PDZRN4: variants seen among roughly 807,000 people sequenced by gnomAD.
PDZRN4 encodes the protein PDZ domain containing ring finger 4.
PDZRN4 carries 70 observed loss-of-function variants against 99.0 expected under a neutral mutation model. That is an observed-to-expected ratio of 0.71 (90% CI 0.58 to 0.86). PDZRN4 has a LOEUF of 0.86. Ranked by LOEUF, PDZRN4 falls within the 40% of genes least tolerant of loss-of-function variation. The pLI is 0.00. For missense variants in PDZRN4, 1,474 were observed against 1,331.2 expected (o/e 1.11, Z -1.67); for synonymous variants, 551 against 501.6 (o/e 1.10, Z -1.32).
At chr12:41,305,835 C>T (rs978820761) in intron 3 of PDZRN4, among the ~76,000 whole-genome samples, 15 of 152,128 alleles carry the variant, frequency 9.9e-5, no homozygotes, top group African/African-American at 3.4e-4. Flanking sequence ...AGACAAATGT[C>T]TTAATTATTC....
At chr12:41,348,381 A>C (rs1951869068) in intron 3 of PDZRN4, among the ~76,000 whole-genome samples, 1 of 152,118 alleles carries the variant, frequency 6.6e-6, no homozygotes, top group Non-Finnish European at 1.5e-5. Flanking sequence ...CATTGTATGA[A>C]TATTTTGCTG....
chr12:41,557,844 A>G (rs1939195117), intron 7 of PDZRN4, among the ~76,000 whole-genome samples: 1 of 152,190 alleles, frequency 6.6e-6, no homozygotes, highest in African/African-American at 2.4e-5. Context: ...AGTAAACAAA[A>G]TGGAACTACG....
At chr12:41,371,697 G>A (rs1952043239) in intron 3 of PDZRN4, among the ~76,000 whole-genome samples, 1 of 152,096 alleles carries the variant, frequency 6.6e-6, no homozygotes. Context: ...GGTTGATTTG[G>A]TTTGTTTTCT....
chr12:41,246,287 G>A (rs553954747), intron 3 of PDZRN4, among the ~76,000 whole-genome samples: 205 of 152,152 alleles, frequency 1.3e-3, no homozygotes, highest in Non-Finnish European at 2.4e-3. Flanking sequence ...TAAAACAATT[G>A]TACAGTTAAT....
chr12:41,558,788 C>T (rs550203089), intron 7 of PDZRN4, among the ~76,000 whole-genome samples: 13 of 152,234 alleles, frequency 8.5e-5, no homozygotes, highest in African/African-American at 3.1e-4. Flanking sequence ...GAATACAATT[C>T]TGTTTGCACA....
intron 3 of PDZRN4, among the ~76,000 whole-genome samples, chr12:41,244,350 G>A (rs1951119378): frequency 6.6e-6 from 1 of 152,054 alleles, no homozygotes; most frequent in Admixed American, 6.5e-5. Context: ...GTGCCACTAA[G>A]GTGTATTCTC....
intron 3 of PDZRN4, among the ~76,000 whole-genome samples, chr12:41,285,172 A>G (rs1020637487): frequency 4.2e-4 from 64 of 152,284 alleles, no homozygotes; most frequent in African/African-American, 1.5e-3. Flanking sequence ...AAAAAAACAA[A>G]AAACCCCATC....
At chr12:41,305,120 G>C (rs1348085913) in intron 3 of PDZRN4, among the ~76,000 whole-genome samples, 1 of 152,192 alleles carries the variant, frequency 6.6e-6, no homozygotes, top group Non-Finnish European at 1.5e-5. Flanking sequence ...TTGCAGTAGA[G>C]GGGTGACATT....
At chr12:41,227,919 A>ACC (rs1555217780) in intron 3 of PDZRN4, among the ~76,000 whole-genome samples, 59 of 31,172 alleles carry the variant, frequency 1.9e-3, no homozygotes, top group Non-Finnish European at 2.6e-3. Flanking sequence ...ACACACACAC[A>ACC]CCAGAAGGGT....
intron 6 of PDZRN4, 65 bp from the exon 7 acceptor site, chr12:41,555,633 A>G: frequency 1.6e-6 from 2 of 1,225,076 alleles, no homozygotes; most frequent in South Asian, 1.3e-5. Context: ...TTTTAAAGCC[A>G]TATTTTTAAG....
At chr12:41,446,421 A>T (rs570363161) in intron 3 of PDZRN4, among the ~76,000 whole-genome samples, 1 of 152,108 alleles carries the variant, frequency 6.6e-6, no homozygotes, top group East Asian at 1.9e-4. Flanking sequence ...TTTCCAAACT[A>T]CTTAGTATGG....
At chr12:41,408,170 G>A (rs1318177909) in intron 3 of PDZRN4, among the ~76,000 whole-genome samples, 1 of 152,132 alleles carries the variant, frequency 6.6e-6, no homozygotes, top group Non-Finnish European at 1.5e-5. Flanking sequence ...GTTAAACTAA[G>A]ACCAAGAAAG....
chr12:41,258,014 C>G (rs975917933), intron 3 of PDZRN4, among the ~76,000 whole-genome samples: 2 of 152,066 alleles, frequency 1.3e-5, no homozygotes, highest in African/African-American at 4.8e-5. Flanking sequence ...AGTGAAGAAA[C>G]AGTACCAGAA....
chr12:41,446,245 C>CTTTATTTATTTATTTA (rs10529599), intron 3 of PDZRN4, among the ~76,000 whole-genome samples: 51,050 of 148,082 alleles, frequency 0.34, 9,115 homozygotes, highest in South Asian at 0.43. Context: ...CATTGTAGGG[C>CTTTATTTATTTATTTA]TTTATTTATT....
In PDZRN4 at chr12:41,466,580, C is replaced by A. The variant is rs1009541002; in HGVS notation, c.844-39876C>A. On this transcript the variant is annotated intron_variant, in intron 3 of 9. Transcript: ENST00000402685. ...TGGGCTTTCCTTCTCTCCACTCTTA[C>A]TAGGCTTCTCAGAGTTTTATGACAT... 5.3e-5 allele frequency among the ~76,000 whole-genome samples: 8 copies of A among 152,220 alleles called. No homozygotes were observed. The South Asian group carries it at 1.7e-3, about 32-fold the overall frequency.
chr12:41,318,798 T>C (rs1036327387), intron 3 of PDZRN4, among the ~76,000 whole-genome samples: 1 of 152,158 alleles, frequency 6.6e-6, no homozygotes, highest in South Asian at 2.1e-4. Flanking sequence ...GGAAGTCTCT[T>C]CCTGTTCTGA....
At chr12:41,493,030 C>T (rs901963033) in intron 3 of PDZRN4, among the ~76,000 whole-genome samples, 5 of 152,130 alleles carry the variant, frequency 3.3e-5, no homozygotes, top group South Asian at 4.1e-4. Context: ...ATTAAATATA[C>T]AATTAATTAG....
intron 3 of PDZRN4, among the ~76,000 whole-genome samples, chr12:41,456,345 G>GT (rs66821022): frequency 0.11 from 16,599 of 151,494 alleles, 890 homozygotes; most frequent in Middle Eastern, 0.13. Flanking sequence ...AGAATGAATG[G>GT]TTGTTTATTC....
At chr12:41,432,490 A>G (rs181405673) in intron 3 of PDZRN4, among the ~76,000 whole-genome samples, 2 of 152,354 alleles carry the variant, frequency 1.3e-5, no homozygotes, top group Admixed American at 1.3e-4. Flanking sequence ...GCATGCTGTC[A>G]TCCCCCAGTT....
Sources: allele counts gnomAD v4.1 joint callset (sites outside exome capture counted in the v4.1 genomes callset), GRCh38; gene constraint gnomAD v4.1.1; transcripts MANE v1.5; gene names NCBI Gene and HGNC (gene_info 2026-07-23, HGNC 2026-07-21).